The following MCF2L2 variants were observed in gnomAD, a reference collection of about 807,000 sequenced individuals.
MCF2L2 encodes the protein probable guanine nucleotide exchange factor MCF2L2.
A neutral mutation model predicts 150.2 loss-of-function variants in MCF2L2; 102 were observed. The ratio of observed to expected loss-of-function variants is 0.68; its 90% CI spans 0.58 to 0.80. The LOEUF (loss-of-function observed/expected upper bound fraction) is 0.80. MCF2L2 is among the 30% of genes least tolerant of loss of function. MCF2L2 has a pLI of 0.00. For missense variants in MCF2L2, 1,256 were observed against 1,372.8 expected (o/e 0.91, Z 1.34); for synonymous variants, 465 against 491.3 (o/e 0.95, Z 0.71).
At chr3:183,365,027 T>C (rs1000583625) in intron 3 of MCF2L2, among the ~76,000 whole-genome samples, 1 of 152,158 alleles carries the variant, frequency 6.6e-6, no homozygotes, top group Admixed American at 6.5e-5. Context: ...GTAATATTGA[T>C]ATCTAAACTT....
intron 1 of MCF2L2, among the ~76,000 whole-genome samples, chr3:183,414,757 T>C (rs1177977254): frequency 1.3e-5 from 2 of 152,208 alleles, no homozygotes; most frequent in East Asian, 3.9e-4. Context: ...TGCTGTGTCT[T>C]GATTCTCTCT....
intron 5 of MCF2L2, among the ~76,000 whole-genome samples, chr3:183,328,963 T>G (rs777228107): frequency 2.6e-5 from 4 of 152,066 alleles, no homozygotes; most frequent in Non-Finnish European, 4.4e-5. Context: ...AATAGCAAAT[T>G]AAAACCACAG....
intron 3 of MCF2L2, among the ~76,000 whole-genome samples, chr3:183,363,317 T>C (rs1251071319): frequency 6.6e-6 from 1 of 152,154 alleles, no homozygotes; most frequent in African/African-American, 2.4e-5. Flanking sequence ...TGCTCTTTAG[T>C]ATTTACCCAA....
intron 17 of MCF2L2, among the ~76,000 whole-genome samples, chr3:183,229,221 C>T (rs182985619): frequency 4.6e-4 from 70 of 152,296 alleles, no homozygotes; most frequent in African/African-American, 1.6e-3. Context: ...AATATCCAAG[C>T]AGCCCCGAGT....
chr3:183,260,022 C>T (rs1216608330), intron 15 of MCF2L2, among the ~76,000 whole-genome samples: 1 of 152,120 alleles, frequency 6.6e-6, no homozygotes, highest in Non-Finnish European at 1.5e-5. Context: ...CTCCCCTGCC[C>T]TCCCCTCCCG....
chr3:183,250,037 A>G (rs1369915798), intron 15 of MCF2L2, among the ~76,000 whole-genome samples: 1 of 152,154 alleles, frequency 6.6e-6, no homozygotes, highest in African/African-American at 2.4e-5. Flanking sequence ...TCCCCTCCCC[A>G]CAGCTAGTTG....
chr3:183,401,465 G>A (rs1364260521), intron 1 of MCF2L2, among the ~76,000 whole-genome samples: 1 of 151,970 alleles, frequency 6.6e-6, no homozygotes, highest in Non-Finnish European at 1.5e-5. Context: ...TGGGGGGAGG[G>A]ATAAAAATGT....
intron 3 of MCF2L2, among the ~76,000 whole-genome samples, chr3:183,343,727 C>CA (rs1730792339): frequency 6.6e-6 from 1 of 152,002 alleles, no homozygotes; most frequent in Admixed American, 6.6e-5. Context: ...GTTATGTAAA[C>CA]GTTAAATATG....
intron 1 of MCF2L2, among the ~76,000 whole-genome samples, chr3:183,391,160 G>C (rs892969437): frequency 1.3e-5 from 2 of 152,108 alleles, no homozygotes; most frequent in Admixed American, 1.3e-4. Flanking sequence ...GGTTAAAGGA[G>C]ATAATATATA....
intron 21 of MCF2L2, among the ~76,000 whole-genome samples, chr3:183,218,133 T>G (rs1479242025): frequency 6.6e-6 from 1 of 152,212 alleles, no homozygotes; most frequent in Non-Finnish European, 1.5e-5. Context: ...GGGTTTAATA[T>G]TTTCTTAATC....
At chr3:183,319,291 A>G (rs1034609178) in intron 6 of MCF2L2, among the ~76,000 whole-genome samples, 1 of 152,238 alleles carries the variant, frequency 6.6e-6, no homozygotes, top group African/African-American at 2.4e-5. Context: ...GCAGCAATGC[A>G]GTCACATCTT....
chr3:183,276,064 T>C (rs1727140086), intron 15 of MCF2L2, among the ~76,000 whole-genome samples: 1 of 152,240 alleles, frequency 6.6e-6, no homozygotes, highest in Non-Finnish European at 1.5e-5. Flanking sequence ...CATTGCCAAA[T>C]GGTGTTTTTC....
At chr3:183,313,589 G>A (rs1729475112) in intron 7 of MCF2L2, among the ~76,000 whole-genome samples, 1 of 152,212 alleles carries the variant, frequency 6.6e-6, no homozygotes, top group African/African-American at 2.4e-5. Flanking sequence ...AGCAACTACG[G>A]TACTTGGAAA....
chr3:183,391,982 TGCTCAAGC>T (rs1714181802), intron 1 of MCF2L2, among the ~76,000 whole-genome samples: 3 of 152,168 alleles, frequency 2.0e-5, no homozygotes, highest in Admixed American at 2.0e-4. Flanking sequence ...TGAACTCCTG[TGCTCAAGC>T]AGTCCTCCTG....
rs1292244073 is a variant in MCF2L2 at position 183,197,258 on chromosome 3, G to A, written c.2885-2003C>T. ...AAAGCAGCAGTAACCAAGATAGTGA[G>A]GGACTGATGTCAAGGTAGACAAATA... On this transcript the variant is annotated intron_variant, in intron 25 of 29. Coordinates refer to ENST00000328913, the MANE Select transcript of MCF2L2 (RefSeq NM_015078.4). This position sits in a 1 kb window ranked among gnomAD's most constrained non-coding sequence, Gnocchi z 4.5. 6.6e-6 allele frequency among the ~76,000 whole-genome samples: 1 copy of A among 152,188 alleles called. No individual in the cohort carries two copies. Among genetic ancestry groups the A allele is most frequent in the Non-Finnish European group, 1.5e-5 (1 of 68,038 alleles).
At chr3:183,366,137 A>G (rs1577095858) in intron 3 of MCF2L2, among the ~76,000 whole-genome samples, 1 of 152,170 alleles carries the variant, frequency 6.6e-6, no homozygotes, top group African/African-American at 2.4e-5. Flanking sequence ...AAAAGGTTTG[A>G]AATTTCAAAC....
chr3:183,316,864 C>T (rs1273226178), intron 7 of MCF2L2, among the ~76,000 whole-genome samples: 1 of 151,674 alleles, frequency 6.6e-6, no homozygotes, highest in Non-Finnish European at 1.5e-5. Flanking sequence ...TGCCATCAAG[C>T]CTGGCTAATT....
chr3:183,267,716 C>A lies in MCF2L2; in HGVS notation c.1862+9156G>T, dbSNP rs1025802640. Among the ~76,000 whole-genome samples, 1 of 152,140 alleles carries A rather than the reference C, an allele frequency of 6.6e-6. No homozygotes were observed. Among genetic ancestry groups the A allele is most frequent in the Non-Finnish European group, 1.5e-5 (1 of 68,020 alleles). Reference sequence around the variant, plus strand: ...GGAAGTGTTTTACCTGTGGTAAGCACGGGGGACAGAATTCTTGAGGAAGGA... The same window carrying A: ...GGAAGTGTTTTACCTGTGGTAAGCAAGGGGGACAGAATTCTTGAGGAAGGA... On this transcript the variant is annotated intron_variant, in intron 15 of 29. Coordinates refer to ENST00000328913, the MANE Select transcript of MCF2L2 (RefSeq NM_015078.4). This position sits in a 1 kb window ranked among gnomAD's most constrained non-coding sequence, Gnocchi z 5.5.
At chr3:183,303,194 C>CAA (rs56742154) in intron 10 of MCF2L2, among the ~76,000 whole-genome samples, 2,388 of 123,988 alleles carry the variant, frequency 0.019, 100 homozygotes, top group South Asian at 0.1. Flanking sequence ...ACTCTGTCTC[C>CAA]AAAAAAAAAA....
Sources: allele counts gnomAD v4.1 joint callset (sites outside exome capture counted in the v4.1 genomes callset), GRCh38; gene constraint gnomAD v4.1.1; non-coding constraint Gnocchi (gnomAD v3.1); transcripts MANE v1.5; gene names NCBI Gene and HGNC (gene_info 2026-07-23, HGNC 2026-07-21).